The following GLIS3 variants were observed in gnomAD, a reference collection of about 807,000 sequenced individuals.
GLIS3 encodes zinc finger protein GLIS3.
Under a neutral mutation model 78.6 loss-of-function variants are expected in GLIS3, and 53 were observed. The observed-to-expected ratio is 0.67, with a 90% CI of 0.54 to 0.85. GLIS3 has a LOEUF of 0.85. Among genes scored for constraint, GLIS3 ranks in the 40% least tolerant of loss-of-function variants. The pLI, the probability that GLIS3 is intolerant of heterozygous loss-of-function variation, is 0.00. For synonymous variants in GLIS3, 684 were observed against 509.9 expected, an observed-to-expected ratio of 1.34 and a Z score of -4.60; for missense variants, 1,703 against 1,231.1, an observed-to-expected ratio of 1.38 and a Z score of -5.74.
At chr9:4,040,186 G>A (rs1009022319) in intron 4 of GLIS3, among the ~76,000 whole-genome samples, 1 of 151,916 alleles carries the variant, frequency 6.6e-6, no homozygotes, top group Non-Finnish European at 1.5e-5. Context: ...AAATATAAAT[G>A]GGGACATGTA....
chr9:3,880,368 C>T (rs1262156955), intron 7 of GLIS3, among the ~76,000 whole-genome samples: 1 of 152,092 alleles, frequency 6.6e-6, no homozygotes, highest in East Asian at 1.9e-4. Flanking sequence ...CTAATTGGTA[C>T]GATGTCACAG....
intron 9 of GLIS3, among the ~76,000 whole-genome samples, chr9:3,854,685 C>T (rs534414178): frequency 1.5e-4 from 22 of 146,254 alleles, no homozygotes; most frequent in African/African-American, 4.7e-4. Context: ...TACAAGCGCC[C>T]GCCGTCACGC....
At chr9:4,480,753 T>C in the GLIS3 span, among the ~76,000 whole-genome samples, 1 of 151,246 alleles carries the variant, frequency 6.6e-6, no homozygotes, top group African/African-American at 2.4e-5. Flanking sequence ...AACACACACA[T>C]ACATTTAATT....
Position 3,829,504 on chromosome 9 carries a change from G to C in GLIS3, c.2474-12C>G. ...CTGCCCATAAAATCCTGAAACGCAA[G>C]CATGGCATTGAGCACAAGTTCCTTT... On this transcript the variant is annotated splice_polypyrimidine_tract_variant and intron_variant, in intron 9 of 10. Coordinates refer to ENST00000381971, the MANE Select transcript of GLIS3 (RefSeq NM_001042413.2). The C allele has an allele frequency of 1.9e-6, 3 of 1,613,914 alleles. No individual in the cohort carries two copies. The highest frequency in any genetic ancestry group is 2.5e-6 in the Non-Finnish European group (3 of 1,179,902).
intron 4 of GLIS3, chr9:4,054,436 G>C (rs567574547): frequency 1.0e-6 from 1 of 985,394 alleles, no homozygotes; most frequent in South Asian, 4.7e-5. Context: ...ACACTTTGGC[G>C]AGAGTCACAG....
At chr9:4,140,104 G>A (rs893910939) in intron 2 of GLIS3, among the ~76,000 whole-genome samples, 2 of 152,106 alleles carry the variant, frequency 1.3e-5, no homozygotes, top group Non-Finnish European at 2.9e-5. Flanking sequence ...CAGGTAGATC[G>A]CTTGAGCTCT....
chr9:4,154,304 A>G (rs1424163485), intron 2 of GLIS3, among the ~76,000 whole-genome samples: 1 of 152,200 alleles, frequency 6.6e-6, no homozygotes, highest in African/African-American at 2.4e-5. Context: ...AGAATATAGA[A>G]TGGGAGCTAT....
intron 2 of GLIS3, among the ~76,000 whole-genome samples, chr9:4,243,472 G>A (rs557433798): frequency 6.6e-6 from 1 of 152,192 alleles, no homozygotes; most frequent in East Asian, 1.9e-4. Flanking sequence ...GGGTAATCTT[G>A]AAAACTGCCA....
chr9:3,855,707 A>G (rs1296522527), intron 9 of GLIS3: 11 of 390,470 alleles, frequency 2.8e-5, no homozygotes, highest in Admixed American at 1.1e-4. Context: ...TTCTTTCTCC[A>G]TGGGCTGTCT....
At chr9:4,020,326 TTTC>T (rs1373313393) in intron 4 of GLIS3, among the ~76,000 whole-genome samples, 15 of 152,276 alleles carry the variant, frequency 9.9e-5, no homozygotes, top group African/African-American at 3.6e-4. Context: ...GTTTTGTTTT[TTTC>T]TTAAGACTGG....
At chr9:4,096,671 G>C (rs915799652) in intron 4 of GLIS3, among the ~76,000 whole-genome samples, 10 of 152,122 alleles carry the variant, frequency 6.6e-5, no homozygotes, top group Non-Finnish European at 1.2e-4. Context: ...TGGAGAGAGA[G>C]GAGAGGGGAG....
intron 4 of GLIS3, among the ~76,000 whole-genome samples, chr9:3,978,991 G>A (rs575982183): frequency 6.6e-6 from 1 of 152,166 alleles, no homozygotes; most frequent in African/African-American, 2.4e-5. Flanking sequence ...CAGGATGTGT[G>A]TAGGTTGTAT....
At chr9:4,033,888 A>AAC (rs1554677042) in intron 4 of GLIS3, among the ~76,000 whole-genome samples, 13 of 150,968 alleles carry the variant, frequency 8.6e-5, no homozygotes, top group African/African-American at 2.9e-4. Flanking sequence ...AAAAAAAAAA[A>AAC]AACTAGAATG....
At chr9:4,211,496 C>T (rs1820368389) in intron 2 of GLIS3, among the ~76,000 whole-genome samples, 1 of 152,200 alleles carries the variant, frequency 6.6e-6, no homozygotes, top group Admixed American at 6.5e-5. Flanking sequence ...GCACACAACA[C>T]CAGACGGAGG....
intron 2 of GLIS3, among the ~76,000 whole-genome samples, chr9:4,330,286 G>A (rs1055605649): frequency 6.6e-6 from 1 of 152,228 alleles, no homozygotes; most frequent in African/African-American, 2.4e-5. Context: ...CAAATCACCT[G>A]GAAGGCCTGT....
chr9:4,066,518 C>T (rs1168333993), intron 4 of GLIS3, among the ~76,000 whole-genome samples: 1 of 152,234 alleles, frequency 6.6e-6, no homozygotes, highest in Non-Finnish European at 1.5e-5. Flanking sequence ...CTCCCTACTA[C>T]TCTAGGCTGC....
At chr9:3,931,474 G>C (rs1437858661) in intron 6 of GLIS3, among the ~76,000 whole-genome samples, 1 of 152,022 alleles carries the variant, frequency 6.6e-6, no homozygotes, top group Non-Finnish European at 1.5e-5. Flanking sequence ...GTTATAAAGG[G>C]CCCTCAAATG....
chr9:3,899,863 T>A (rs916766265), intron 6 of GLIS3, among the ~76,000 whole-genome samples: 2 of 152,088 alleles, frequency 1.3e-5, no homozygotes, highest in African/African-American at 4.8e-5. Context: ...CAACCTCAGA[T>A]GGTGATAAAT....
chr9:4,276,978 G>A (rs929653843), intron 2 of GLIS3, among the ~76,000 whole-genome samples: 8 of 152,090 alleles, frequency 5.3e-5, no homozygotes, highest in African/African-American at 1.9e-4. Context: ...TAATTCTGCA[G>A]GAAGCCACAT....
Sources: allele counts gnomAD v4.1 joint callset (sites outside exome capture counted in the v4.1 genomes callset), GRCh38; gene constraint gnomAD v4.1.1; transcripts MANE v1.5; gene names NCBI Gene and HGNC (gene_info 2026-07-23, HGNC 2026-07-21).